Variants in SOX6 observed in about 807,000 individuals in gnomAD.
SOX6 encodes transcription factor SOX-6.
A neutral mutation model predicts 97.8 loss-of-function variants in SOX6; 11 were observed. That is an observed-to-expected ratio of 0.11 (90% CI 0.07 to 0.19). SOX6 has a LOEUF of 0.19. Among genes scored for constraint, SOX6 ranks in the 10% least tolerant of loss-of-function variants. The pLI, the probability that SOX6 is intolerant of heterozygous loss-of-function variation, is 1.00. For synonymous variants in SOX6, 360 were observed against 371.4 expected (o/e 0.97, Z 0.35); for missense variants, 810 against 1,039.5 (o/e 0.78, Z 3.04).
At chr11:16,322,027 A>C (rs1180416088) in intron 2 of SOX6, among the ~76,000 whole-genome samples, 1 of 152,196 alleles carries the variant, frequency 6.6e-6, no homozygotes, top group African/African-American at 2.4e-5. Flanking sequence ...AAAAATCTTG[A>C]CAAAGAATCT....
At chr11:16,369,455 A>G (rs943549855) in intron 1 of SOX6, among the ~76,000 whole-genome samples, 2 of 152,116 alleles carry the variant, frequency 1.3e-5, no homozygotes, top group South Asian at 4.1e-4. Flanking sequence ...ACTGAAAAGT[A>G]TTTGTTTTAT....
At chr11:16,375,975 CA>C (rs1857631900) in intron 1 of SOX6, among the ~76,000 whole-genome samples, 1 of 151,894 alleles carries the variant, frequency 6.6e-6, no homozygotes, top group Non-Finnish European at 1.5e-5. Flanking sequence ...GGGAGTTGAA[CA>C]ATGAGAACAC....
At chr11:16,214,781 G>A (rs1436412826) in intron 4 of SOX6, among the ~76,000 whole-genome samples, 8 of 133,554 alleles carry the variant, frequency 6.0e-5, no homozygotes, top group South Asian at 2.3e-4. Flanking sequence ...ACGGAGTTTC[G>A]CTCTTTTGCC....
intron 4 of SOX6, among the ~76,000 whole-genome samples, chr11:16,220,073 T>C (rs1852493317): frequency 6.6e-6 from 1 of 152,092 alleles, no homozygotes; most frequent in Non-Finnish European, 1.5e-5. Context: ...TTTTTCATAA[T>C]TTTGTGTTCA....
At chr11:16,569,978 C>A (rs913687952) in intron 4 of SOX6, among the ~76,000 whole-genome samples, 1 of 151,592 alleles carries the variant, frequency 6.6e-6, no homozygotes, top group African/African-American at 2.4e-5. Context: ...TAATATAAGC[C>A]CAAAGAAAAG....
chr11:16,660,863 C>T (rs116224895), intron 3 of SOX6, among the ~76,000 whole-genome samples: 1,688 of 152,244 alleles, frequency 0.011, 23 homozygotes, highest in African/African-American at 0.038. Context: ...CTCTGTCCCC[C>T]AGAATTGCGA....
intron 12 of SOX6, among the ~76,000 whole-genome samples, chr11:16,031,043 T>C (rs1241586316): frequency 1.3e-5 from 2 of 152,154 alleles, no homozygotes; most frequent in African/African-American, 2.4e-5. Context: ...GTAAAGTCTT[T>C]TCCCACATAT....
At chr11:15,989,319 T>C (rs908414226) in intron 13 of SOX6, 89 bp from the exon 14 acceptor site, 38 of 1,050,136 alleles carry the variant, frequency 3.6e-5, no homozygotes, top group Admixed American at 1.7e-4. Context: ...GTCAGCTGTT[T>C]TCCCCAGGTC....
At position 16,699,952 on chromosome 11, in the gene SOX6, T is replaced by TA. The variant is rs1848080873; in HGVS notation, n.429+14877dup. On this transcript the variant is annotated intron_variant and non_coding_transcript_variant, in intron 3 of 5. Transcript: ENST00000524520. ...GTGCAAAACAAGTGGACACTAGAATTATACTGGTGAGCAAAAACAGGCTCA... is the reference window on the plus strand; with the variant it reads ...GTGCAAAACAAGTGGACACTAGAATTAATACTGGTGAGCAAAAACAGGCTCA... 2.0e-5 allele frequency among the ~76,000 whole-genome samples: 3 copies of TA among 152,174 alleles called. No individual in the cohort carries two copies. In the South Asian group the frequency reaches 6.2e-4, roughly 32 times the overall value.
rs151144587 is a variant in SOX6 at position 16,463,162 on chromosome 11, C to G, written c.-5+13153G>C. On this transcript the variant is annotated intron_variant, in intron 1 of 15. Transcript: ENST00000396356. Reference sequence around the variant, plus strand: ...CCCTGCTGGTGTACCGGAATGGGAACAAATTGGTTCCAAACTCAGATCAAC... The same window carrying G: ...CCCTGCTGGTGTACCGGAATGGGAAGAAATTGGTTCCAAACTCAGATCAAC... Among the ~76,000 whole-genome samples, 1,289 of 152,274 alleles carry G rather than the reference C, an allele frequency of 8.5e-3. 17 individuals carry two copies. The highest frequency in any genetic ancestry group is 0.03 in the African/African-American group (1,235 of 41,560).
chr11:16,525,418 T>G (rs1420179915), intron 4 of SOX6, among the ~76,000 whole-genome samples: 2 of 151,896 alleles, frequency 1.3e-5, no homozygotes, highest in African/African-American at 4.8e-5. Context: ...CTGGGAAAAC[T>G]GGCTAGCCAT....
At chr11:16,146,015 T>C (rs1025823394) in intron 6 of SOX6, among the ~76,000 whole-genome samples, 2 of 152,102 alleles carry the variant, frequency 1.3e-5, no homozygotes, top group African/African-American at 4.8e-5. Context: ...AAAGTTCATA[T>C]GGAACCAAAA....
At chr11:16,344,837 T>C (rs1293961237) in intron 1 of SOX6, among the ~76,000 whole-genome samples, 2 of 151,762 alleles carry the variant, frequency 1.3e-5, no homozygotes, top group Non-Finnish European at 2.9e-5. Context: ...TAAAAAAAAA[T>C]CTCCCTAGTT....
At chr11:16,519,805 A>G (rs928792315) in intron 4 of SOX6, among the ~76,000 whole-genome samples, 1 of 152,186 alleles carries the variant, frequency 6.6e-6, no homozygotes, top group Non-Finnish European at 1.5e-5. Context: ...AGGTTAATTT[A>G]CATTCCCACC....
chr11:16,122,184 A>G (rs778609000), intron 6 of SOX6, among the ~76,000 whole-genome samples: 22 of 152,060 alleles, frequency 1.4e-4, no homozygotes, highest in Non-Finnish European at 2.6e-4. Flanking sequence ...AATAAGATAC[A>G]AACAGTTATC....
chr11:16,428,306 G>C lies in SOX6; in HGVS notation c.-5+48009C>G, dbSNP rs1056023381. Among the ~76,000 whole-genome samples, 17 of 152,078 alleles carry C rather than the reference G, an allele frequency of 1.1e-4. 1 individual carries two copies. Among genetic ancestry groups the C allele is most frequent in the Non-Finnish European group, 2.4e-4 (16 of 67,998 alleles). On this transcript the variant is annotated intron_variant, in intron 1 of 15. Coordinates refer to the SOX6 transcript ENST00000396356. ...GTTCACTCTGATGGTAGTTTCTTTT[G>C]CTGTGCAGAAGCTCTTTAGTTTAAC...
chr11:16,151,324 C>G (rs1850452825), intron 6 of SOX6, among the ~76,000 whole-genome samples: 1 of 152,154 alleles, frequency 6.6e-6, no homozygotes. Context: ...TAAGAAATGA[C>G]TGAATTTGTC....
chr11:16,631,717 A>T (rs1848709676), intron 3 of SOX6, among the ~76,000 whole-genome samples: 1 of 152,170 alleles, frequency 6.6e-6, no homozygotes, highest in African/African-American at 2.4e-5. Context: ...AGAAATGCCA[A>T]TAATTCATAG....
At chr11:16,262,167 A>T (rs1481800366) in intron 3 of SOX6, among the ~76,000 whole-genome samples, 1 of 152,106 alleles carries the variant, frequency 6.6e-6, no homozygotes, top group Non-Finnish European at 1.5e-5. Flanking sequence ...GGCTAATGTT[A>T]TACATCTATG....
Sources: gnomAD v4.1 joint callset for allele counts (sites outside exome capture counted in the v4.1 genomes callset) on GRCh38, gnomAD v4.1.1 for gene constraint, MANE v1.5 for transcripts, NCBI Gene and HGNC (gene_info 2026-07-23, HGNC 2026-07-21) for gene names.